The following PPFIA2 variants were observed in gnomAD, a reference collection of about 807,000 sequenced individuals.
The protein encoded by PPFIA2 is PPFI scaffold protein A2.
PPFIA2 carries 46 observed loss-of-function variants against 175.5 expected under a neutral mutation model. That is an observed-to-expected ratio of 0.26 (90% CI 0.21 to 0.34). PPFIA2 has a LOEUF of 0.34. PPFIA2 is among the 10% of genes least tolerant of loss of function. PPFIA2 has a pLI of 1.00. For missense variants in PPFIA2, 1,179 were observed against 1,506.1 expected, an observed-to-expected ratio of 0.78 and a Z score of 3.60; for synonymous variants, 568 against 511.4, an observed-to-expected ratio of 1.11 and a Z score of -1.49.
intron 4 of PPFIA2, chr12:81,512,352 C>G (rs2061901477): frequency 7.8e-7 from 1 of 1,288,422 alleles, no homozygotes; most frequent in Non-Finnish European, 1.0e-6. Flanking sequence ...TACCTGCAGC[C>G]AAAACAAATT....
intron 4 of PPFIA2, among the ~76,000 whole-genome samples, chr12:81,490,759 T>G (rs2059340934): frequency 1.3e-5 from 2 of 151,938 alleles, no homozygotes; most frequent in African/African-American, 4.8e-5. Context: ...TTTCCTGCTT[T>G]ATTCTTGTTT....
At chr12:81,506,433 T>C (rs2061178357) in intron 4 of PPFIA2, among the ~76,000 whole-genome samples, 1 of 152,214 alleles carries the variant, frequency 6.6e-6, no homozygotes, top group African/African-American at 2.4e-5. Flanking sequence ...CATTTAGGTA[T>C]ATGTATTTTC....
chr12:81,338,401 T>C (rs2057462706), intron 21 of PPFIA2, among the ~76,000 whole-genome samples: 1 of 152,134 alleles, frequency 6.6e-6, no homozygotes, highest in African/African-American at 2.4e-5. Flanking sequence ...TGTAAGTATG[T>C]ATCATGTATG....
rs1321058858 is a variant in PPFIA2 at position 81,353,302 on chromosome 12, T to C, written c.1811A>G (p.Gln604Arg). The C allele has an allele frequency of 6.2e-7, 1 of 1,613,472 alleles. No individual in the cohort carries two copies. The highest frequency in any genetic ancestry group is 1.3e-5 in the African/African-American group (1 of 74,894). The change falls in exon 17 of 33, where the codon CAA becomes CGA. Residue 604 changes from glutamine (Q) to arginine (R), a missense_variant. Around this residue, in one of 10 missense-constraint regions of PPFIA2, gnomAD observed 186 missense variants for 163.6 expected, o/e 1.14. Transcript: ENST00000549396. ...SLGDHEWNRT[Q>R]QIGVLSSHPF... is the part of the protein sequence containing the mutation. ...GTGGCTGCTTAGTACTCCAATCTGT[T>C]GAGTTCTATTCCACTCGTGATCCCC...
intron 4 of PPFIA2, among the ~76,000 whole-genome samples, chr12:81,658,545 G>A (rs1315050029): frequency 6.6e-5 from 10 of 151,832 alleles, no homozygotes; most frequent in African/African-American, 1.2e-4. Context: ...AGTAAAAATC[G>A]TTTAACTTTA....
At chr12:81,301,024 C>T (rs369502641) in intron 22 of PPFIA2, among the ~76,000 whole-genome samples, 3 of 152,066 alleles carry the variant, frequency 2.0e-5, no homozygotes, top group South Asian at 2.1e-4. Flanking sequence ...CAGCTGCTAA[C>T]GTGAAAACTT....
intron 3 of PPFIA2, among the ~76,000 whole-genome samples, chr12:81,707,109 G>A (rs1043998638): frequency 9.9e-5 from 15 of 152,120 alleles, no homozygotes; most frequent in Admixed American, 3.9e-4. Flanking sequence ...ACATAGGCAC[G>A]GGAAAGGACT....
chr12:81,507,866 ACT>A (rs1295875523), intron 4 of PPFIA2, among the ~76,000 whole-genome samples: 1 of 152,226 alleles, frequency 6.6e-6, no homozygotes. Context: ...TGTCACATAG[ACT>A]GGTAGGTCTG....
At chr12:81,562,434 T>C (rs1183923777) in intron 4 of PPFIA2, among the ~76,000 whole-genome samples, 1 of 152,168 alleles carries the variant, frequency 6.6e-6, no homozygotes, top group African/African-American at 2.4e-5. Context: ...ATTCTACAGA[T>C]AGTCACAGAG....
intron 6 of PPFIA2, among the ~76,000 whole-genome samples, chr12:81,440,813 G>GATATATATATATATATATAT (rs142582712): frequency 1.4e-5 from 2 of 143,120 alleles, no homozygotes; most frequent in African/African-American, 5.1e-5. Context: ...TATATGTCCT[G>GATATATATATATATATATAT]ATATATATAT....
chr12:81,560,775 C>T (rs949815685), intron 4 of PPFIA2, among the ~76,000 whole-genome samples: 1 of 152,088 alleles, frequency 6.6e-6, no homozygotes, highest in African/African-American at 2.4e-5. Context: ...TATTTCTCAG[C>T]TCTAGTACAG....
chr12:81,382,351 T>C (rs192100383), intron 9 of PPFIA2, among the ~76,000 whole-genome samples: 1 of 152,120 alleles, frequency 6.6e-6, no homozygotes, highest in East Asian at 1.9e-4. Flanking sequence ...ATAGTGTAAG[T>C]AGAATAGGTA....
intron 24 of PPFIA2, chr12:81,292,544 C>T (rs1331110034): frequency 6.6e-6 from 1 of 151,984 alleles, no homozygotes; most frequent in Non-Finnish European, 1.5e-5. Flanking sequence ...ATTTCTCTTC[C>T]CTATGATTTT....
chr12:81,421,563 C>T (rs76773707), intron 7 of PPFIA2, among the ~76,000 whole-genome samples: 8,909 of 151,462 alleles, frequency 0.059, 305 homozygotes, highest in Admixed American at 0.098. Flanking sequence ...GAAAAAAAAT[C>T]AAAGCAAATA....
chr12:81,341,046 A>G (rs751059529), intron 20 of PPFIA2, 32 bp downstream of exon 20: 2 of 1,561,966 alleles, frequency 1.3e-6, no homozygotes, highest in East Asian at 4.6e-5. Flanking sequence ...GAAGGAGGGC[A>G]TTCAGTGTGC....
intron 7 of PPFIA2, chr12:81,430,823 G>A (rs2047976672): frequency 6.6e-6 from 1 of 152,118 alleles, no homozygotes; most frequent in South Asian, 2.1e-4. Context: ...CCATGGGCCT[G>A]TAATGCCCCC....
chr12:81,331,458 C>T (rs920060625), intron 21 of PPFIA2, among the ~76,000 whole-genome samples: 1 of 152,266 alleles, frequency 6.6e-6, no homozygotes, highest in Admixed American at 6.5e-5. Context: ...TGAAATGATG[C>T]TGGTGTACTG....
At position 81,605,703 on chromosome 12, in the gene PPFIA2, T is replaced by C. The variant is rs1378352309; in HGVS notation, c.303+71088A>G. On this transcript the variant is annotated intron_variant, in intron 4 of 32. Coordinates refer to ENST00000549396, the MANE Select transcript of PPFIA2 (RefSeq NM_003625.5). Reference sequence around the variant, plus strand: ...TCTATCTATCTATCTAATCTGTCTATAATTTCTCTATCTCTATTTAATCTA... The same window carrying C: ...TCTATCTATCTATCTAATCTGTCTACAATTTCTCTATCTCTATTTAATCTA... 2.6e-5 allele frequency among the ~76,000 whole-genome samples: 4 copies of C among 151,272 alleles called. No individual in the cohort carries two copies. The East Asian group carries it at 7.8e-4, about 30-fold the overall frequency.
Position 81,289,146 on chromosome 12 carries a change from G to C in PPFIA2, c.2926-4843C>G, listed in dbSNP as rs144080640. ...AGCTGTAGTTGTGAGAGTCAAATGG[G>C]CTATTACATGTAAAGCGCTTAGAAC... On this transcript the variant is annotated intron_variant, in intron 24 of 32. Coordinates refer to ENST00000549396, the MANE Select transcript of PPFIA2 (RefSeq NM_003625.5). 3.7e-3 allele frequency among the ~76,000 whole-genome samples: 563 copies of C among 151,904 alleles called. 3 individuals are homozygous for C. The highest frequency in any genetic ancestry group is 6.3e-3 in the Non-Finnish European group (426 of 67,752).
Sources: gnomAD v4.1 joint callset for allele counts (sites outside exome capture counted in the v4.1 genomes callset) on GRCh38, gnomAD v4.1.1 for gene constraint, gnomAD v4.1.1 regional missense constraint, MANE v1.5 for transcripts, NCBI Gene and HGNC (gene_info 2026-07-23, HGNC 2026-07-21) for gene names.